Variants in ZSCAN23 observed in about 807,000 individuals in gnomAD.
The protein encoded by ZSCAN23 is zinc finger and SCAN domain-containing protein 23.
Under a neutral mutation model 19.3 loss-of-function variants are expected in ZSCAN23, and 19 were observed. The observed-to-expected ratio is 0.99, with a 90% CI of 0.69 to 1.45. ZSCAN23 has a LOEUF of 1.45. Among genes scored for constraint, ZSCAN23 ranks in the 40% most tolerant of loss-of-function variants. The pLI, the probability that ZSCAN23 is intolerant of heterozygous loss-of-function variation, is 0.00. For synonymous variants in ZSCAN23, 140 were observed against 166.2 expected, an observed-to-expected ratio of 0.84 and a Z score of 1.21; for missense variants, 372 against 462.5, an observed-to-expected ratio of 0.80 and a Z score of 1.79.
Position 28,434,427 on chromosome 6 carries a change from CA to C in ZSCAN23, c.*37del. 6.7e-7 allele frequency: 1 copy of C among 1,489,102 alleles called. No individual in the cohort carries two copies. The highest frequency in any genetic ancestry group is 1.4e-5 in the African/African-American group (1 of 71,414). The allele number at this position is 1,489,102 out of a possible 1,614,324, so 92.2% of individuals were successfully genotyped here. ...TCTATGCTAGAGGACACAGCAGGGA[CA>C]AAGTAAGAAATATTATCCCCTACCT... On this transcript the variant is annotated 3_prime_UTR_variant, in exon 4 of 4. Transcript: ENST00000289788.
At chr6:28,423,188 G>A in the ZSCAN23 span, among the ~76,000 whole-genome samples, 2 of 152,082 alleles carry the variant, frequency 1.3e-5, no homozygotes. Flanking sequence ...CATCTGCAAG[G>A]GCAGGGATAC....
chr6:28,429,285 C>T (rs1184792676), downstream of ZSCAN23, among the ~76,000 whole-genome samples: 1 of 152,204 alleles, frequency 6.6e-6, no homozygotes, highest in East Asian at 1.9e-4. Context: ...CAACATAAAG[C>T]CTGGCCCATT....
At chr6:28,424,092 A>C in the ZSCAN23 span, among the ~76,000 whole-genome samples, 1 of 152,214 alleles carries the variant, frequency 6.6e-6, no homozygotes, top group Non-Finnish European at 1.5e-5. Context: ...TAACATTTAC[A>C]GGCATACATT....
chr6:28,424,638 AT>A, the ZSCAN23 span, among the ~76,000 whole-genome samples: 2 of 152,204 alleles, frequency 1.3e-5, no homozygotes, highest in Non-Finnish European at 2.9e-5. Context: ...CCAGGAGTAG[AT>A]TTCATCCTAA....
downstream of ZSCAN23, among the ~76,000 whole-genome samples, chr6:28,428,266 A>T (rs192680285): frequency 1.3e-5 from 2 of 152,178 alleles, no homozygotes; most frequent in African/African-American, 4.8e-5. Context: ...TTTCACTTGT[A>T]TGTCTTACAA....
the ZSCAN23 span, among the ~76,000 whole-genome samples, chr6:28,426,242 A>G: frequency 5.3e-5 from 8 of 152,310 alleles, no homozygotes; most frequent in African/African-American, 1.2e-4. Context: ...CTTTCAACCT[A>G]TCTCAGCTTT....
At chr6:28,426,261 C>T in the ZSCAN23 span, among the ~76,000 whole-genome samples, 5 of 152,230 alleles carry the variant, frequency 3.3e-5, no homozygotes, top group African/African-American at 1.2e-4. Context: ...TTCAACATGT[C>T]TTCCTCACTA....
At chr6:28,438,477 A>G (rs1211772964) in intron 1 of ZSCAN23, among the ~76,000 whole-genome samples, 2 of 152,218 alleles carry the variant, frequency 1.3e-5, no homozygotes, top group African/African-American at 4.8e-5. Context: ...GTCTGTTCTC[A>G]AGCTGCTACT....
chr6:28,441,874 AT>A (rs371867784), intron 1 of ZSCAN23, among the ~76,000 whole-genome samples: 12,050 of 130,894 alleles, frequency 0.092, 561 homozygotes, highest in African/African-American at 0.15. Context: ...CTGGTTGTTA[AT>A]TTTTTTTTTT....
the ZSCAN23 span, among the ~76,000 whole-genome samples, chr6:28,425,615 C>A: frequency 6.6e-6 from 1 of 152,090 alleles, no homozygotes; most frequent in Non-Finnish European, 1.5e-5. Flanking sequence ...GCATGCCCAG[C>A]CAGCATGATC....
Position 28,436,323 on chromosome 6 carries a change from TTC to T in ZSCAN23, c.-59_-58del. On this transcript the variant is annotated 5_prime_UTR_variant, in exon 2 of 4. An upstream open reading frame in the 5' UTR loses its in-frame stop. Transcript: ENST00000289788. ...TTCTTGATAATTCTCCCTTGATCTT[TTC>T]TTCTGGAAACCCCGAGATCTAGACA... The T allele has an allele frequency of 7.0e-7, 1 of 1,428,330 alleles. No homozygotes were observed. Among genetic ancestry groups the T allele is most frequent in the South Asian group, 1.5e-5 (1 of 65,016 alleles). 88.5% of individuals were successfully genotyped at this position (1,428,330 alleles called of 1,614,324 possible).
intron 1 of ZSCAN23, among the ~76,000 whole-genome samples, chr6:28,439,198 C>T (rs1761954344): frequency 6.6e-6 from 1 of 151,952 alleles, no homozygotes; most frequent in Non-Finnish European, 1.5e-5. Flanking sequence ...AAATGATTCT[C>T]CCCTCAGCCT....
intron 1 of ZSCAN23, among the ~76,000 whole-genome samples, chr6:28,443,005 T>G (rs1762033501): frequency 6.6e-6 from 1 of 152,248 alleles, no homozygotes; most frequent in Non-Finnish European, 1.5e-5. Flanking sequence ...TAAGAAAGGC[T>G]GTGGCATAGT....
At chr6:28,431,969 TTC>T (rs1188121199), downstream of ZSCAN23, 3 of 152,222 alleles carry the variant, frequency 2.0e-5, no homozygotes, top group African/African-American at 4.8e-5. Context: ...TTATATTTTG[TTC>T]TTTTTTCTTT....
chr6:28,438,771 G>T (rs1761942876), intron 1 of ZSCAN23, among the ~76,000 whole-genome samples: 1 of 152,180 alleles, frequency 6.6e-6, no homozygotes, highest in Admixed American at 6.5e-5. Context: ...GACACATGGG[G>T]ATTATGAGAA....
intron 1 of ZSCAN23, among the ~76,000 whole-genome samples, chr6:28,442,079 A>C (rs1762013661): frequency 6.6e-6 from 1 of 151,692 alleles, no homozygotes. Flanking sequence ...GTTTCACCAT[A>C]TGGGTCAGGC....
chr6:28,435,891 A>G lies in ZSCAN23; in HGVS notation c.376T>C (p.Leu126=), dbSNP rs1000398324. 1 of 1,609,808 alleles carries G rather than the reference A, an allele frequency of 6.2e-7. No homozygotes were observed. Among genetic ancestry groups the G allele is most frequent in the Non-Finnish European group, 8.5e-7 (1 of 1,178,002 alleles). ...CCTGGGTCATCCAGCTCTCTCTCCA[A>G]ATCCTCCAGCACAGTCACTGCCTCC... ...GEEAVTVLED[L]ERELDDPGEQ... The change falls in exon 2 of 4, where the codon TTG becomes CTG. Residue 126 remains leucine (L), a synonymous_variant. Transcript: ENST00000289788.
At chr6:28,436,999 A>G (rs896592456) in intron 1 of ZSCAN23, among the ~76,000 whole-genome samples, 33 of 152,228 alleles carry the variant, frequency 2.2e-4, no homozygotes, top group African/African-American at 7.2e-4. Flanking sequence ...AACACTGCCT[A>G]TCTTTCTAGG....
At chr6:28,442,761 A>C (rs1467961764) in intron 1 of ZSCAN23, among the ~76,000 whole-genome samples, 1 of 152,198 alleles carries the variant, frequency 6.6e-6, no homozygotes, top group Non-Finnish European at 1.5e-5. Context: ...TCGCTCTACG[A>C]CCTTGGGCAA....
Sources: gnomAD v4.1 joint callset for allele counts (sites outside exome capture counted in the v4.1 genomes callset) on GRCh38, gnomAD v4.1.1 for gene constraint, MANE v1.5 for transcripts, NCBI Gene and HGNC (gene_info 2026-07-23, HGNC 2026-07-21) for gene names.